The following STAT2 variants were observed in gnomAD, a reference collection of about 807,000 sequenced individuals.
STAT2 encodes the protein interferon alpha induced transcriptional activator.
STAT2 carries 51 observed loss-of-function variants against 122.3 expected under a neutral mutation model. That is an observed-to-expected ratio of 0.42 (90% CI 0.33 to 0.53). STAT2 has a LOEUF of 0.53. STAT2 is among the 20% of genes least tolerant of loss of function. STAT2 has a pLI of 0.10. For synonymous variants in STAT2, 351 were observed against 394.9 expected, an observed-to-expected ratio of 0.89 and a Z score of 1.32; for missense variants, 736 against 1,010.3, an observed-to-expected ratio of 0.73 and a Z score of 3.68.
chr12:56,354,432 T>C (rs753021187), intron 8 of STAT2, 34 bp downstream of exon 8: 22 of 1,613,596 alleles, frequency 1.4e-5, no homozygotes, highest in Non-Finnish European at 1.8e-5. Flanking sequence ...TCACAGCGCA[T>C]GGCGAGGACG....
At chr12:56,343,724 C>T (rs911480218) in intron 23 of STAT2, 101 bp downstream of exon 23, 16 of 1,560,202 alleles carry the variant, frequency 1.0e-5, no homozygotes, top group African/African-American at 1.4e-5. Context: ...GACCTCTCTC[C>T]AATGAGGAGC....
chr12:56,354,342 G>A, intron 8 of STAT2, 124 bp downstream of exon 8: 1 of 1,462,100 alleles, frequency 6.8e-7, no homozygotes, highest in Non-Finnish European at 9.3e-7. Context: ...CAGTCAGCAG[G>A]GAGCAGGGCT....
Position 56,343,012 on chromosome 12 carries a change from G to C in STAT2, c.*377C>G, listed in dbSNP as rs1876805233. The stretch of plus-strand genomic sequence containing the variant: ...CCCCACCAAGGGCCAATGCCAGTAT[G>C]CACCAGTTTAGCCTAACCAACTATT... On this transcript the variant is annotated 3_prime_UTR_variant, in exon 24 of 24. Coordinates refer to ENST00000314128, the MANE Select transcript of STAT2 (RefSeq NM_005419.4). 1 of 176,070 alleles carries C rather than the reference G, an allele frequency of 5.7e-6. No homozygotes were observed. Among genetic ancestry groups the C allele is most frequent in the African/African-American group, 2.4e-5 (1 of 42,294 alleles). 10.9% of individuals were successfully genotyped at this position (176,070 alleles called of 1,614,324 possible).
chr12:56,347,775 T>C (rs1342473843), intron 19 of STAT2, among the ~76,000 whole-genome samples: 2 of 152,202 alleles, frequency 1.3e-5, no homozygotes, highest in Non-Finnish European at 2.9e-5. Context: ...ATGCTGGGAT[T>C]ACAGGCGTGA....
intron 22 of STAT2, among the ~76,000 whole-genome samples, chr12:56,344,962 C>T (rs1360845685): frequency 1.8e-4 from 25 of 141,302 alleles, no homozygotes; most frequent in Admixed American, 2.8e-4. Context: ...GAGCTGAGAT[C>T]GTGCCACTGC....
rs1034674076 is a variant in STAT2, at chr12:56,359,970, T to C, written c.-8+88A>G. 1.6e-5 allele frequency: 14 copies of C among 893,068 alleles called. No homozygotes were observed. In the African/African-American group the frequency reaches 2.5e-4, roughly 16 times the overall value. 55.3% of individuals were successfully genotyped at this position (893,068 alleles called of 1,614,324 possible). ...GACCGAAGCTACCCTCTCCAGGGGG[T>C]AACCCCTGGGGCCAGTCGCCCTTCC... On this transcript the variant is annotated intron_variant, in intron 1 of 23. Transcript: ENST00000314128.
At chr12:56,356,003 T>A in intron 3 of STAT2, 129 bp downstream of exon 3, 1 of 1,383,114 alleles carries the variant, frequency 7.2e-7, no homozygotes, top group Non-Finnish European at 9.9e-7. Context: ...AAGTCCAGAC[T>A]CTGTCCTCCT....
intron 19 of STAT2, among the ~76,000 whole-genome samples, chr12:56,347,942 CA>C (rs1210606768): frequency 2.0e-5 from 3 of 152,138 alleles, no homozygotes; most frequent in Non-Finnish European, 4.4e-5. Flanking sequence ...CTCTGAAACT[CA>C]GTTTCCTCAC....
intron 22 of STAT2, 136 bp from the exon 23 acceptor site, chr12:56,344,271 C>T: frequency 7.7e-7 from 1 of 1,303,032 alleles, no homozygotes. Flanking sequence ...ATCAGGCCTC[C>T]TGGAGTTTGA....
intron 8 of STAT2, among the ~76,000 whole-genome samples, chr12:56,354,040 TAA>T (rs760881337): frequency 0.028 from 1,507 of 53,116 alleles, 275 homozygotes; most frequent in East Asian, 0.08. Flanking sequence ...TATATATATA[TAA>T]AAAATACTGT....
chr12:56,345,896 GA>G (rs1877375581), intron 22 of STAT2, among the ~76,000 whole-genome samples: 1 of 151,876 alleles, frequency 6.6e-6, no homozygotes, highest in Non-Finnish European at 1.5e-5. Context: ...GATGGCAGCA[GA>G]AAAATATGAG....
At chr12:56,351,795 C>G (rs1335990943) in intron 8 of STAT2, among the ~76,000 whole-genome samples, 1 of 152,122 alleles carries the variant, frequency 6.6e-6, no homozygotes, top group African/African-American at 2.4e-5. Flanking sequence ...GATGATAAAA[C>G]TGAGGCACAG....
intron 19 of STAT2, among the ~76,000 whole-genome samples, 199 bp downstream of exon 19, chr12:56,348,330 G>A (rs1241086426): frequency 4.0e-5 from 6 of 151,432 alleles, no homozygotes; most frequent in African/African-American, 7.3e-5. Context: ...CTCATGATCC[G>A]CCCGCCTCGG....
intron 19 of STAT2, among the ~76,000 whole-genome samples, chr12:56,347,214 G>A (rs1031493231): frequency 6.6e-6 from 1 of 151,878 alleles, no homozygotes; most frequent in African/African-American, 2.4e-5. Flanking sequence ...TGGGAGACAG[G>A]GTGTCATTCT....
Position 56,342,538 on chromosome 12 carries a change from TG to T in STAT2, c.*850del, listed in dbSNP as rs2136029551. On this transcript the variant is annotated 3_prime_UTR_variant, in exon 24 of 24. Coordinates refer to ENST00000314128, the MANE Select transcript of STAT2 (RefSeq NM_005419.4). Reference sequence around the variant, plus strand: ...CCAGGAGGTTGAGGCTGCAGTGAGCTGTGATTGCACCATTGCACTCTAGCCT... The same window carrying T: ...CCAGGAGGTTGAGGCTGCAGTGAGCTTGATTGCACCATTGCACTCTAGCCT... 6.6e-6 allele frequency: 1 copy of T among 152,062 alleles called. No homozygotes were observed. The highest frequency in any genetic ancestry group is 2.4e-5 in the African/African-American group (1 of 41,440). The allele number at this position is 152,062 out of a possible 1,614,324, so 9.4% of individuals were successfully genotyped here.
At chr12:56,353,809 C>A (rs563534781) in intron 8 of STAT2, among the ~76,000 whole-genome samples, 5 of 150,500 alleles carry the variant, frequency 3.3e-5, no homozygotes, top group Non-Finnish European at 7.4e-5. Flanking sequence ...GCCTGGCCAA[C>A]ATGGAGAAAC....
At chr12:56,358,768 T>C (rs1009649655) in intron 1 of STAT2, among the ~76,000 whole-genome samples, 1 of 152,124 alleles carries the variant, frequency 6.6e-6, no homozygotes, top group Admixed American at 6.5e-5. Context: ...TTAAAATTGT[T>C]GCCTGTAATC....
At chr12:56,357,546 C>T (rs1015859619) in intron 1 of STAT2, among the ~76,000 whole-genome samples, 14 of 151,886 alleles carry the variant, frequency 9.2e-5, no homozygotes, top group African/African-American at 7.2e-5. Context: ...GGGGTTTCAC[C>T]GTGTTAGCCA....
intron 6 of STAT2, 34 bp downstream of exon 6, chr12:56,355,242 T>G (rs749800989): frequency 8.1e-6 from 13 of 1,613,496 alleles, no homozygotes; most frequent in Middle Eastern, 1.7e-4. Flanking sequence ...CAGCAGGCAC[T>G]TATCTTTCTC....
Sources: gnomAD v4.1 joint callset for allele counts (sites outside exome capture counted in the v4.1 genomes callset) on GRCh38, gnomAD v4.1.1 for gene constraint, MANE v1.5 for transcripts, NCBI Gene and HGNC (gene_info 2026-07-23, HGNC 2026-07-21) for gene names.